The following HTR1A variants were observed in gnomAD, a reference collection of about 807,000 sequenced individuals.
The protein encoded by HTR1A is 5-hydroxytryptamine receptor 1A.
In HTR1A, 17 loss-of-function variants were observed where a neutral mutation model predicts 24.6. That is an observed-to-expected ratio of 0.69 (90% CI 0.47 to 1.04). The LOEUF is 1.04. Ranked by LOEUF, HTR1A falls within the 50% of genes least tolerant of loss-of-function variation. The pLI, the probability that HTR1A is intolerant of heterozygous loss-of-function variation, is 0.00. For missense variants in HTR1A, 515 were observed against 565.1 expected (o/e 0.91, Z 0.90); for synonymous variants, 262 against 244.6 (o/e 1.07, Z -0.67).
In HTR1A at chr5:63,961,255, C is replaced by T; in HGVS notation, c.465G>A (p.Ala155=). Residue 155 remains alanine, a synonymous_variant, in exon 1 of 1, where the codon GCG becomes GCA. Coordinates refer to ENST00000323865, the MANE Select transcript of HTR1A (RefSeq NM_000524.4). ...CAATAAGCCAAGTGAGCGAGATGAG[C>T]GCAGCGGCGCGCCGGGGCGTCCTCT... ...VNKRTPRRAA[A]LISLTWLIGF... is the part of the protein sequence containing the mutation. 1 of 1,614,146 alleles carries T rather than the reference C, an allele frequency of 6.2e-7. No homozygotes were observed. The highest frequency in any genetic ancestry group is 8.5e-7 in the Non-Finnish European group (1 of 1,180,006).
chr5:63,961,083 C>T lies in HTR1A; in HGVS notation c.637G>A (p.Val213Ile). 6.2e-7 allele frequency: 1 copy of T among 1,614,248 alleles called. No homozygotes were observed. The highest frequency in any genetic ancestry group is 8.5e-7 in the Non-Finnish European group (1 of 1,180,050). The change falls in exon 1 of 1, where the codon GTT becomes ATT. Residue 213 changes from valine to isoleucine, a missense_variant. By Grantham distance (29) the Val-to-Ile change is conservative. Coordinates refer to ENST00000323865, the MANE Select transcript of HTR1A (RefSeq NM_000524.4). ...GCTCGGAATATGCGCCCATAGAGAA[C>T]CAGCATGAGCAGCAGCGGGATGTAG... ...AFYIPLLLML[V>I]LYGRIFRAAR...
rs201448669 is a variant in HTR1A at position 63,960,427 on chromosome 5, G to T, written c.*24C>A. On this transcript the variant is annotated 3_prime_UTR_variant, in exon 1 of 1. Coordinates refer to ENST00000323865, the MANE Select transcript of HTR1A (RefSeq NM_000524.4). ...TGAATGGGACGGATCCTGTAGCCTCGACTGGCCGGCTACTCCTCCGTCATC... is the reference window on the plus strand; with the variant it reads ...TGAATGGGACGGATCCTGTAGCCTCTACTGGCCGGCTACTCCTCCGTCATC... 4.5e-5 allele frequency: 73 copies of T among 1,611,942 alleles called. 3 individuals carry two copies. In the South Asian group the frequency reaches 7.8e-4, roughly 17 times the overall value.
rs1746447741 is a variant in HTR1A at position 63,961,822 on chromosome 5, G to A, written c.-103C>T. 8.1e-7 allele frequency: 1 copy of A among 1,229,210 alleles called. No individual in the cohort carries two copies. The highest frequency in any genetic ancestry group is 2.3e-4 in the Middle Eastern group (1 of 4,290). 76.1% of individuals were successfully genotyped at this position (1,229,210 alleles called of 1,614,324 possible). On this transcript the variant is annotated 5_prime_UTR_variant, in exon 1 of 1. Transcript: ENST00000323865. The stretch of plus-strand genomic sequence containing the variant: ...TTCCGCCCTTCTCCTGGGAAGTTTC[G>A]GAGGAAGGGAATGCAGAGACCCAAG...
In HTR1A at chr5:63,960,324, C is replaced by G. The variant is rs1030837067; in HGVS notation, c.*127G>C. On this transcript the variant is annotated 3_prime_UTR_variant, in exon 1 of 1. Coordinates refer to ENST00000323865, the MANE Select transcript of HTR1A (RefSeq NM_000524.4). ...TGGGGAGGGGACCAGGTCTGCAAGC[C>G]GTGAGCGGAGCAGAGAGAAAGAGGA... 334 of 1,042,064 alleles carry G rather than the reference C, an allele frequency of 3.2e-4. No individual in the cohort carries two copies. The highest frequency in any genetic ancestry group is 6.4e-5 in the Non-Finnish European group (43 of 670,598). The allele number at this position is 1,042,064 out of a possible 1,614,324, so 64.6% of individuals were successfully genotyped here.
Position 63,961,289 on chromosome 5 carries a change from T to C in HTR1A, c.431A>G (p.Tyr144Cys), listed in dbSNP as rs768723506. The C allele has an allele frequency of 3.1e-6, 5 of 1,614,066 alleles. No individual in the cohort carries two copies. Among genetic ancestry groups the C allele is most frequent in the Non-Finnish European group, 4.2e-6 (5 of 1,179,988 alleles). The stretch of plus-strand genomic sequence containing the variant: ...GCGCCGGGGCGTCCTCTTGTTCACG[T>C]AGTCGATGGGGTCCGTGATGGCCCA... ...RYWAITDPID[Y>C]VNKRTPRRAA... is the part of the protein sequence containing the mutation. Residue 144 changes from tyrosine (Y) to cysteine (C), a missense_variant, in exon 1 of 1, where the codon TAC becomes TGC. Transcript: ENST00000323865.
chr5:63,960,283 G>A lies in HTR1A; in HGVS notation c.*168C>T. 2.6e-6 allele frequency: 2 copies of A among 766,052 alleles called. No individual in the cohort carries two copies. Among genetic ancestry groups the A allele is most frequent in the Non-Finnish European group, 4.5e-6 (2 of 439,570 alleles). The allele number at this position is 766,052 out of a possible 1,614,324, so 47.5% of individuals were successfully genotyped here. A position where few individuals can be genotyped will look rare whatever the true frequency, so the allele number is the denominator to read the frequency against. On this transcript the variant is annotated 3_prime_UTR_variant, in exon 1 of 1. Coordinates refer to ENST00000323865, the MANE Select transcript of HTR1A (RefSeq NM_000524.4). ...GGGTCTCCTTTGCACAAAGGGCCCT[G>A]CCGTGGAGCAGGAAGTGGGGAGGGG...
At position 63,961,382 on chromosome 5, in the gene HTR1A, A is replaced by G. The variant is rs779492405; in HGVS notation, c.338T>C (p.Ile113Thr). 2 of 1,613,898 alleles carry G rather than the reference A, an allele frequency of 1.2e-6. No homozygotes were observed. Among genetic ancestry groups the G allele is most frequent in the Admixed American group, 1.7e-5 (1 of 59,978 alleles). Residue 113 changes from isoleucine to threonine, a missense_variant, in exon 1 of 1, where the codon ATC becomes ACC. By Grantham distance (89) the Ile-to-Thr change is moderately conservative. This residue lies in a region of HTR1A where 80 missense variants were observed against 130.8 expected (regional missense o/e 0.61). Transcript: ENST00000323865. ...GGTGCAGCACAGCACGTCGAGGGCGATGAACAGGTCGCAGGTTACCTGGCC... is the reference window on the plus strand; with the variant it reads ...GGTGCAGCACAGCACGTCGAGGGCGGTGAACAGGTCGCAGGTTACCTGGCC... ...TLGQVTCDLF[I>T]ALDVLCCTSS...
rs904764843 is a variant in HTR1A, at chr5:63,958,563, A to G, written c.*1888T>C. 1.1e-4 allele frequency among the ~76,000 whole-genome samples: 16 copies of G among 152,248 alleles called. No individual in the cohort carries two copies. The highest frequency in any genetic ancestry group is 3.9e-4 in the African/African-American group (16 of 41,466). On this transcript the variant is annotated 3_prime_UTR_variant, in exon 1 of 1. Coordinates refer to ENST00000323865, the MANE Select transcript of HTR1A (RefSeq NM_000524.4). ...TTCGAAAGGTACAGCTGAAGAGAGA[A>G]AAGAGTAGGGATCAATTACTTTGTG...
In HTR1A at chr5:63,958,343, TATG is replaced by T. The variant is rs1746354625; in HGVS notation, c.*2105_*2107del. ...TAAAACTTTCCCTGTTTAGCTGGGA[TATG>T]ATGTCTACTTCCAGTTTAGAATACA... On this transcript the variant is annotated 3_prime_UTR_variant, in exon 1 of 1. Transcript: ENST00000323865. 6.6e-6 allele frequency among the ~76,000 whole-genome samples: 1 copy of T among 152,228 alleles called. No homozygotes were observed. The highest frequency in any genetic ancestry group is 2.4e-5 in the African/African-American group (1 of 41,466).
Position 63,959,305 on chromosome 5 carries a change from G to A in HTR1A, c.*1146C>T, listed in dbSNP as rs1344681410. 6.6e-6 allele frequency among the ~76,000 whole-genome samples: 1 copy of A among 152,200 alleles called. No individual in the cohort carries two copies. Among genetic ancestry groups the A allele is most frequent in the Non-Finnish European group, 1.5e-5 (1 of 68,044 alleles). ...TGGTCTCTCCAATCCCAAGAGTTCC[G>A]CGGCATCTTGCGCCACTGGCTAAGG... On this transcript the variant is annotated 3_prime_UTR_variant, in exon 1 of 1. Coordinates refer to ENST00000323865, the MANE Select transcript of HTR1A (RefSeq NM_000524.4).
rs750636045 is a variant in HTR1A at position 63,961,349 on chromosome 5, A to T, written c.371T>A (p.Ile124Asn). The change falls in exon 1 of 1, where the codon ATC becomes AAC. Residue 124 changes from isoleucine (I) to asparagine (N), a missense_variant. Ile to Asn is a moderately radical substitution (Grantham distance 149, BLOSUM62 -3). Around this residue, in one of 3 missense-constraint regions of HTR1A, gnomAD observed 80 missense variants for 130.8 expected, o/e 0.61. Coordinates refer to ENST00000323865, the MANE Select transcript of HTR1A (RefSeq NM_000524.4). ...ALDVLCCTSS[I>N]LHLCAIALDR... ...CAGCGCGATGGCGCACAGGTGCAAG[A>T]TGGATGAGGTGCAGCACAGCACGTC... The T allele has an allele frequency of 9.3e-6, 15 of 1,614,028 alleles. No homozygotes were observed. The highest frequency in any genetic ancestry group is 1.3e-5 in the Non-Finnish European group (15 of 1,179,928).
rs113161365 is a variant in HTR1A, at chr5:63,960,287, T to A, written c.*164A>T. ...CTCCTTTGCACAAAGGGCCCTGCCG[T>A]GGAGCAGGAAGTGGGGAGGGGACCA... On this transcript the variant is annotated 3_prime_UTR_variant, in exon 1 of 1. Transcript: ENST00000323865. 9.0e-6 allele frequency: 7 copies of A among 776,082 alleles called. No individual in the cohort carries two copies. In the African/African-American group the frequency reaches 1.0e-4, roughly 11 times the overall value. 48.1% of individuals were successfully genotyped at this position (776,082 alleles called of 1,614,324 possible). A position where few individuals can be genotyped will look rare whatever the true frequency, so the allele number is the denominator to read the frequency against.
Position 63,958,752 on chromosome 5 carries a change from A to C in HTR1A, c.*1699T>G, listed in dbSNP as rs939440604. ...AGATTTTAACCAGTTTCTCGGCAGG[A>C]GTGGCAAGGCTTCAAGAATAACTGA... On this transcript the variant is annotated 3_prime_UTR_variant, in exon 1 of 1. Coordinates refer to ENST00000323865, the MANE Select transcript of HTR1A (RefSeq NM_000524.4). 6.6e-6 allele frequency among the ~76,000 whole-genome samples: 1 copy of C among 152,174 alleles called. No homozygotes were observed. Among genetic ancestry groups the C allele is most frequent in the Admixed American group, 6.5e-5 (1 of 15,280 alleles).
At position 63,960,613 on chromosome 5, in the gene HTR1A, G is replaced by A; in HGVS notation, c.1107C>T (p.Pro369=). 1.2e-6 allele frequency: 2 copies of A among 1,614,254 alleles called. No homozygotes were observed. Among genetic ancestry groups the A allele is most frequent in the Non-Finnish European group, 1.7e-6 (2 of 1,180,046 alleles). ...LPFFIVALVL[P]FCESSCHMPT... ...GCATGTGGCAGCTGCTCTCGCAGAAGGGCAGAACAAGAGCCACGATGAAGA... is the reference window on the plus strand; with the variant it reads ...GCATGTGGCAGCTGCTCTCGCAGAAAGGCAGAACAAGAGCCACGATGAAGA... Residue 369 remains proline, a synonymous_variant, in exon 1 of 1, where the codon CCC becomes CCT. Coordinates refer to ENST00000323865, the MANE Select transcript of HTR1A (RefSeq NM_000524.4).
chr5:63,959,941 T>A lies in HTR1A; in HGVS notation c.*510A>T, dbSNP rs1746388919. On this transcript the variant is annotated 3_prime_UTR_variant, in exon 1 of 1. Transcript: ENST00000323865. The stretch of plus-strand genomic sequence containing the variant: ...CAATGAAAAAAAGAAAAGATAAAAA[T>A]GGGGAGAAAAAGGTGAATATTTCAA... Among the ~76,000 whole-genome samples the A allele has an allele frequency of 6.6e-6, 1 of 151,528 alleles. No homozygotes were observed. The highest frequency in any genetic ancestry group is 6.6e-5 in the Admixed American group (1 of 15,236).
Position 63,960,918 on chromosome 5 carries a change from C to T in HTR1A, c.802G>A (p.Glu268Lys). The change falls in exon 1 of 1, where the codon GAG becomes AAG. Residue 268 changes from glutamate (E) to lysine (K), a missense_variant. This residue lies in a region of HTR1A where 381 missense variants were observed against 384.5 expected (regional missense o/e 0.99). Transcript: ENST00000323865. ...CACAGAGCACCCCCAGCCTTGCTCT[C>T]CACGCCCAGCCTCCAGTTCCTGCTC... The part of the protein sequence containing the change: ...SGSRNWRLGV[E>K]SKAGGALCAN... The T allele has an allele frequency of 6.2e-7, 1 of 1,614,022 alleles. No individual in the cohort carries two copies. Among genetic ancestry groups the T allele is most frequent in the Middle Eastern group, 1.6e-4 (1 of 6,062 alleles).
rs1746372335 is a variant in HTR1A at position 63,959,248 on chromosome 5, C to T, written c.*1203G>A. ...GCCCTGGGGAACCTTTCCTCTTTGC[C>T]GCCCCTGCGTGTCGCCCCTTTAAAG... On this transcript the variant is annotated 3_prime_UTR_variant, in exon 1 of 1. Transcript: ENST00000323865. 6.6e-6 allele frequency among the ~76,000 whole-genome samples: 1 copy of T among 152,208 alleles called. No individual in the cohort carries two copies. The highest frequency in any genetic ancestry group is 1.9e-4 in the East Asian group (1 of 5,180).
rs772131512 is a variant in HTR1A at position 63,961,569 on chromosome 5, C to A, written c.151G>T (p.Val51Leu). The stretch of plus-strand genomic sequence containing the variant: ...GCCACCACGCACGCATTGCCCAGCA[C>A]CGCGCAGAAGATGAGCGTGCCCAGC... ...LLLGTLIFCA[V>L]LGNACVVAAI... The change falls in exon 1 of 1, where the codon GTG becomes TTG. Residue 51 changes from valine to leucine, a missense_variant. Val to Leu is a conservative substitution (Grantham distance 32). This residue lies in a region of HTR1A where 80 missense variants were observed against 130.8 expected (regional missense o/e 0.61). Transcript: ENST00000323865. The A allele has an allele frequency of 6.2e-7, 1 of 1,614,192 alleles. No homozygotes were observed. The highest frequency in any genetic ancestry group is 8.5e-7 in the Non-Finnish European group (1 of 1,180,048).
In HTR1A at chr5:63,961,812, G is replaced by C; in HGVS notation, c.-93C>G. On this transcript the variant is annotated 5_prime_UTR_variant, in exon 1 of 1. Coordinates refer to ENST00000323865, the MANE Select transcript of HTR1A (RefSeq NM_000524.4). ...CCCTGGGGTCTTCCGCCCTTCTCCT[G>C]GGAAGTTTCGGAGGAAGGGAATGCA... 1 of 1,340,640 alleles carries C rather than the reference G, an allele frequency of 7.5e-7. No homozygotes were observed. Among genetic ancestry groups the C allele is most frequent in the African/African-American group, 1.4e-5 (1 of 69,746 alleles). The allele number at this position is 1,340,640 out of a possible 1,614,324, so 83.0% of individuals were successfully genotyped here.
Sources: allele counts gnomAD v4.1 joint callset (sites outside exome capture counted in the v4.1 genomes callset), GRCh38; gene constraint gnomAD v4.1.1; regional missense constraint gnomAD v4.1.1; transcripts MANE v1.5; gene names NCBI Gene and HGNC (gene_info 2026-07-23, HGNC 2026-07-21).